SLC28A2: variants seen among roughly 807,000 people sequenced by gnomAD.
SLC28A2 encodes the protein sodium/nucleoside cotransporter 2.
SLC28A2 carries 69 observed loss-of-function variants against 72.9 expected under a neutral mutation model. The ratio of observed to expected loss-of-function variants is 0.95; its 90% CI spans 0.78 to 1.16. The LOEUF (loss-of-function observed/expected upper bound fraction) is 1.16, where lower values mean the gene tolerates loss of function less well. Ranked by LOEUF, SLC28A2 falls within the 50% of genes most tolerant of loss-of-function variation. The pLI is 0.00. For missense variants in SLC28A2, 745 were observed against 791.1 expected (o/e 0.94, Z 0.70); for synonymous variants, 296 against 294.1 (o/e 1.01, Z -0.07).
chr15:45,267,537 C>A lies in SLC28A2; in HGVS notation c.1025C>A (p.Ala342Asp), dbSNP rs767579716. 1.2e-6 allele frequency: 2 copies of A among 1,614,106 alleles called. No homozygotes were observed. The highest frequency in any genetic ancestry group is 1.6e-4 in the Middle Eastern group (1 of 6,062). The change falls in exon 11 of 18, where the codon GCC becomes GAC. Residue 342 changes from alanine to aspartate, a missense_variant. Transcript: ENST00000347644. ...EIHAVMTGGF[A>D]TISGTVLGAF... ...CATGCGGTGATGACTGGAGGGTTTG[C>A]CACCATTTCTGGCACTGTGCTGGGA... is the stretch of plus-strand genomic sequence containing the variant.
Position 45,275,675 on chromosome 15 carries a change from C to A in SLC28A2, c.*162C>A, listed in dbSNP as rs183740563. On this transcript the variant is annotated 3_prime_UTR_variant, in exon 18 of 18. Transcript: ENST00000347644. Reference sequence around the variant, plus strand: ...TTTGGGCCGGGCTCAGTGGCTCATGCCTGTAATCCCAGCACTTTGGGAGGC... The same window carrying A: ...TTTGGGCCGGGCTCAGTGGCTCATGACTGTAATCCCAGCACTTTGGGAGGC... 5 of 602,278 alleles carry A rather than the reference C, an allele frequency of 8.3e-6. No homozygotes were observed. The African/African-American group carries it at 9.3e-5, about 11-fold the overall frequency. 37.3% of individuals were successfully genotyped at this position (602,278 alleles called of 1,614,324 possible).
Position 45,269,451 on chromosome 15 carries a change from G to A in SLC28A2, c.1482G>A (p.Val494=). 1.2e-6 allele frequency: 2 copies of A among 1,614,112 alleles called. No homozygotes were observed. Among genetic ancestry groups the A allele is most frequent in the Non-Finnish European group, 1.7e-6 (2 of 1,179,976 alleles). Reference sequence around the variant, plus strand: ...TCAAGTTCTTCATAAATGAGTTTGTGGCTTATCAGCAACTGTCTCAATACA... The same window carrying A: ...TCAAGTTCTTCATAAATGAGTTTGTAGCTTATCAGCAACTGTCTCAATACA... ...VGIKFFINEF[V]AYQQLSQYKN... Residue 494 remains valine (V), a synonymous_variant, in exon 14 of 18, where the codon GTG becomes GTA. Transcript: ENST00000347644.
At chr15:45,270,876 G>C (rs1284071654) in intron 15 of SLC28A2, among the ~76,000 whole-genome samples, 1 of 152,238 alleles carries the variant, frequency 6.6e-6, no homozygotes, top group East Asian at 1.9e-4. Context: ...GGCCTCAAGT[G>C]ATCTGCTGCC....
chr15:45,271,237 A>C (rs1170031920), intron 15 of SLC28A2, among the ~76,000 whole-genome samples: 5 of 152,184 alleles, frequency 3.3e-5, no homozygotes, highest in Admixed American at 3.3e-4. Context: ...CACAGGGGTG[A>C]CTAGCAGATC....
Position 45,255,738 on chromosome 15 carries a change from C to T in SLC28A2, c.170+2218C>T, listed in dbSNP as rs546067590. ...ATACACATACAGCAGACATGAATAACTTCATGAGCTCACATGACAGAAAAA... is the reference window on the plus strand; with the variant it reads ...ATACACATACAGCAGACATGAATAATTTCATGAGCTCACATGACAGAAAAA... On this transcript the variant is annotated intron_variant, in intron 3 of 17. Coordinates refer to ENST00000347644, the MANE Select transcript of SLC28A2 (RefSeq NM_004212.4). Among the ~76,000 whole-genome samples, 24 of 152,186 alleles carry T rather than the reference C, an allele frequency of 1.6e-4. No homozygotes were observed. In the East Asian group the frequency reaches 4.4e-3, roughly 28 times the overall value.
At chr15:45,259,773 A>G (rs1167796101) in intron 3 of SLC28A2, among the ~76,000 whole-genome samples, 1 of 152,208 alleles carries the variant, frequency 6.6e-6, no homozygotes, top group Non-Finnish European at 1.5e-5. Context: ...AAACCTAATA[A>G]AGACAGGTAA....
intron 16 of SLC28A2, 42 bp from the exon 17 acceptor site, chr15:45,272,631 G>A (rs372629975): frequency 6.9e-5 from 77 of 1,118,028 alleles, no homozygotes; most frequent in Middle Eastern, 2.0e-4. Context: ...TGAGAAGCAC[G>A]TGTCAGATCT....
chr15:45,252,954 C>G (rs776680979), intron 1 of SLC28A2, among the ~76,000 whole-genome samples: 2 of 152,250 alleles, frequency 1.3e-5, no homozygotes, highest in African/African-American at 2.4e-5. Flanking sequence ...TTTCATTTCT[C>G]TTCTCCTATC....
intron 3 of SLC28A2, among the ~76,000 whole-genome samples, chr15:45,261,177 G>A (rs1031415439): frequency 6.6e-6 from 1 of 152,206 alleles, no homozygotes; most frequent in Non-Finnish European, 1.5e-5. Flanking sequence ...TTTTGGCTCA[G>A]ATGGCTGCAG....
In SLC28A2 at chr15:45,264,709, T is replaced by C. The variant is rs767522064; in HGVS notation, c.643T>C (p.Leu215=). 1.9e-6 allele frequency: 3 copies of C among 1,613,964 alleles called. No homozygotes were observed. The highest frequency in any genetic ancestry group is 3.3e-5 in the Admixed American group (2 of 60,004). ...GLGLQFVFGI[L]VIRTDLGYTV... is the part of the protein sequence containing the mutation. ...AGGTCTTCAATTTGTCTTTGGGATCTTGGTCATCAGAACTGATCTTGGATA... is the reference window on the plus strand; with the variant it reads ...AGGTCTTCAATTTGTCTTTGGGATCCTGGTCATCAGAACTGATCTTGGATA... Residue 215 remains leucine (L), a synonymous_variant, in exon 7 of 18, where the codon TTG becomes CTG. Transcript: ENST00000347644.
Position 45,262,117 on chromosome 15 carries a change from G to T in SLC28A2, c.262+11G>T. 6.4e-7 allele frequency: 1 copy of T among 1,559,302 alleles called. No individual in the cohort carries two copies. The highest frequency in any genetic ancestry group is 1.1e-5 in the South Asian group (1 of 89,176). On this transcript the variant is annotated intron_variant, in intron 4 of 17. Coordinates refer to ENST00000347644, the MANE Select transcript of SLC28A2 (RefSeq NM_004212.4). ...GCCTGTTGTGTTTGGGTGAGATATT[G>T]AGAATTCATGAAAGTGAGAAACACA...
In SLC28A2 at chr15:45,262,063, C is replaced by T. The variant is rs59889218; in HGVS notation, c.219C>T (p.His73=). 2.4e-5 allele frequency: 38 copies of T among 1,613,494 alleles called. No homozygotes were observed. Among genetic ancestry groups the T allele is most frequent in the African/African-American group, 1.1e-4 (8 of 74,980 alleles). ...FSKARSFCKT[H]ASLFKKILLG... is the part of the protein sequence containing the mutation. Reference sequence around the variant, plus strand: ...AAGCAAGAAGTTTCTGCAAAACACACGCCAGCTTGTTCAAGAAGATCCTGT... The same window carrying T: ...AAGCAAGAAGTTTCTGCAAAACACATGCCAGCTTGTTCAAGAAGATCCTGT... Residue 73 remains histidine (H), a synonymous_variant, in exon 4 of 18, where the codon CAC becomes CAT. Coordinates refer to ENST00000347644, the MANE Select transcript of SLC28A2 (RefSeq NM_004212.4).
Position 45,275,563 on chromosome 15 carries a change from T to C in SLC28A2, c.*50T>C, listed in dbSNP as rs1567064286. The C allele has an allele frequency of 8.4e-7, 1 of 1,197,494 alleles. No homozygotes were observed. The allele number at this position is 1,197,494 out of a possible 1,614,324, so 74.2% of individuals were successfully genotyped here. ...AGTTTTGATCTTAAAAGCTTTGTGA[T>C]TGCAAAGGTGTTTATGTACTCAGGG... On this transcript the variant is annotated 3_prime_UTR_variant, in exon 18 of 18. Coordinates refer to ENST00000347644, the MANE Select transcript of SLC28A2 (RefSeq NM_004212.4).
In SLC28A2 at chr15:45,263,160, C is replaced by G. The variant is rs748131746; in HGVS notation, c.362C>G (p.Ser121Trp). The G allele has an allele frequency of 1.2e-6, 2 of 1,614,004 alleles. No individual in the cohort carries two copies. The highest frequency in any genetic ancestry group is 1.7e-6 in the Non-Finnish European group (2 of 1,179,940). The change falls in exon 5 of 18, where the codon TCG becomes TGG. Residue 121 changes from serine (S) to tryptophan (W), a missense_variant. Ser to Trp is a radical substitution (Grantham distance 177). Coordinates refer to ENST00000347644, the MANE Select transcript of SLC28A2 (RefSeq NM_004212.4). ...TCLVIFVLVH[S>W]FLKKLLGKKL... ...TTGGTGATCTTTGTCCTGGTTCACT[C>G]GTTTTTGAAAAAGCTCCTGGGCAAA...
intron 5 of SLC28A2, 34 bp from the exon 6 acceptor site, chr15:45,263,847 G>T (rs767665535): frequency 1.9e-6 from 3 of 1,584,046 alleles, no homozygotes; most frequent in Non-Finnish European, 2.6e-6. Flanking sequence ...TCATTCACTG[G>T]GTTGATGACA....
Position 45,268,321 on chromosome 15 carries a change from C to T in SLC28A2, c.1311C>T (p.Ile437=), listed in dbSNP as rs17215591. 173 of 1,610,300 alleles carry T rather than the reference C, an allele frequency of 1.1e-4. 1 individual carries two copies. In the African/African-American group the frequency reaches 2.1e-3, roughly 20 times the overall value. ...LIAFLAVLAF[I]NAALSWLGEL... is the part of the protein sequence containing the mutation. ...CCTTTTTGGCTGTGTTGGCCTTCAT[C>T]AATGCTGCCCTCTCCTGGCTGGGGG... Residue 437 remains isoleucine (I), a synonymous_variant, in exon 13 of 18, where the codon ATC becomes ATT. Transcript: ENST00000347644.
intron 3 of SLC28A2, among the ~76,000 whole-genome samples, chr15:45,257,138 G>A (rs139448631): frequency 2.6e-5 from 4 of 152,252 alleles, no homozygotes; most frequent in African/African-American, 4.8e-5. Flanking sequence ...GCTTATGAGT[G>A]TACTGTCTTC....
intron 15 of SLC28A2, chr15:45,271,872 G>C (rs746432727): frequency 9.1e-5 from 15 of 165,596 alleles, no homozygotes; most frequent in Non-Finnish European, 1.2e-4. Flanking sequence ...GTGTGGCTAA[G>C]TCTTAGGCCA....
chr15:45,262,632 G>C (rs1487193433), intron 4 of SLC28A2, among the ~76,000 whole-genome samples: 4 of 152,174 alleles, frequency 2.6e-5, no homozygotes, highest in South Asian at 2.1e-4. Context: ...CCACATGGCT[G>C]CACTTCCCAG....
Sources: allele counts gnomAD v4.1 joint callset (sites outside exome capture counted in the v4.1 genomes callset), GRCh38; gene constraint gnomAD v4.1.1; transcripts MANE v1.5; gene names NCBI Gene and HGNC (gene_info 2026-07-23, HGNC 2026-07-21).